NDUFA5: variants seen among roughly 807,000 people sequenced by gnomAD.
The protein encoded by NDUFA5 is NADH dehydrogenase [ubiquinone] 1 alpha subcomplex subunit 5.
A neutral mutation model predicts 19.8 loss-of-function variants in NDUFA5; 11 were observed. That is an observed-to-expected ratio of 0.56 (90% CI 0.35 to 0.92). The LOEUF (loss-of-function observed/expected upper bound fraction) is 0.92. Among genes scored for constraint, NDUFA5 ranks in the 40% least tolerant of loss-of-function variants. The pLI is 0.01. For missense variants in NDUFA5, 109 were observed against 134.2 expected, an observed-to-expected ratio of 0.81 and a Z score of 0.93; for synonymous variants, 47 against 46.8, an observed-to-expected ratio of 1.00 and a Z score of -0.01.
chr7:123,564,391 A>G, the NDUFA5 span, among the ~76,000 whole-genome samples: 3 of 152,242 alleles, frequency 2.0e-5, no homozygotes, highest in South Asian at 6.2e-4. Flanking sequence ...TCAAGCTGTA[A>G]AAGTCAAAGT....
intron 2 of NDUFA5, chr7:123,556,923 G>T (rs1798574021): frequency 2.0e-6 from 1 of 497,824 alleles, no homozygotes; most frequent in Non-Finnish European, 3.9e-6. Flanking sequence ...GCAAAGAAAT[G>T]GTGTGATTAT....
chr7:123,563,121 C>G, the NDUFA5 span, among the ~76,000 whole-genome samples: 1 of 152,000 alleles, frequency 6.6e-6, no homozygotes, highest in South Asian at 2.1e-4. Context: ...TTTTATCATT[C>G]GTGTGTTAAC....
chr7:123,549,855 G>A (rs894859383), intron 3 of NDUFA5, among the ~76,000 whole-genome samples: 1 of 152,142 alleles, frequency 6.6e-6, no homozygotes, highest in African/African-American at 2.4e-5. Context: ...AATTCTCTTT[G>A]AACTATATAG....
At chr7:123,551,540 T>A in intron 2 of NDUFA5, 1 of 976,508 alleles carries the variant, frequency 1.0e-6, no homozygotes, top group South Asian at 4.7e-5. Context: ...TCCGAAGCAC[T>A]GCAAATTTTT....
At chr7:123,593,857 A>T in the NDUFA5 span, among the ~76,000 whole-genome samples, 12 of 152,170 alleles carry the variant, frequency 7.9e-5, no homozygotes, top group Non-Finnish European at 1.6e-4. Context: ...TCTCCTGGAT[A>T]ATAGCCTGAA....
rs535103047 is a variant in NDUFA5 at position 123,539,963 on chromosome 7, G to C, written c.*2156C>G. ...ATTCATAAATAATAATATAACAGGA[G>C]CATCAGTTCTAGAACCAGACTGCCT... is the stretch of plus-strand genomic sequence containing the variant. On this transcript the variant is annotated 3_prime_UTR_variant, in exon 5 of 5. Transcript: ENST00000355749. 1 of 152,252 alleles carries C rather than the reference G, an allele frequency of 6.6e-6. No homozygotes were observed. The highest frequency in any genetic ancestry group is 2.4e-5 in the African/African-American group (1 of 41,524). 9.4% of individuals were successfully genotyped at this position (152,252 alleles called of 1,614,324 possible).
intron 2 of NDUFA5, among the ~76,000 whole-genome samples, chr7:123,552,636 TAAAAAAAAAAAA>T (rs774901648): frequency 3.0e-5 from 2 of 67,416 alleles, no homozygotes; most frequent in Non-Finnish European, 5.9e-5. Flanking sequence ...AAAGTATAAC[TAAAAAAAAAAAA>T]AAAAAAAAAA....
chr7:123,549,974 T>C (rs1798272678), intron 3 of NDUFA5: 1 of 153,092 alleles, frequency 6.5e-6, no homozygotes, highest in South Asian at 2.0e-4. Context: ...ATAAAGTCCA[T>C]TTAATGATTG....
chr7:123,572,291 G>A, the NDUFA5 span, among the ~76,000 whole-genome samples: 3 of 151,320 alleles, frequency 2.0e-5, no homozygotes, highest in African/African-American at 4.9e-5. Flanking sequence ...GTAGGCACGC[G>A]CCACCATGCC....
At chr7:123,589,842 G>C in the NDUFA5 span, among the ~76,000 whole-genome samples, 1 of 152,136 alleles carries the variant, frequency 6.6e-6, no homozygotes, top group African/African-American at 2.4e-5. Flanking sequence ...CCCAGTAATG[G>C]GATCGCTAAG....
At chr7:123,573,985 T>C in the NDUFA5 span, among the ~76,000 whole-genome samples, 16 of 152,144 alleles carry the variant, frequency 1.1e-4, no homozygotes, top group Non-Finnish European at 1.2e-4. Context: ...GTCGCTTTTA[T>C]AAATACCTAG....
the NDUFA5 span, among the ~76,000 whole-genome samples, chr7:123,592,740 G>A: frequency 6.6e-6 from 1 of 152,184 alleles, no homozygotes; most frequent in Non-Finnish European, 1.5e-5. Flanking sequence ...GCGATGTGGT[G>A]CTGAGAAGAA....
At chr7:123,552,636 TAAAAAA>T (rs774901648) in intron 2 of NDUFA5, among the ~76,000 whole-genome samples, 2 of 67,414 alleles carry the variant, frequency 3.0e-5, no homozygotes, top group African/African-American at 1.1e-4. Flanking sequence ...AAAGTATAAC[TAAAAAA>T]AAAAAAAAAA....
chr7:123,578,479 T>G, the NDUFA5 span, among the ~76,000 whole-genome samples: 2 of 152,042 alleles, frequency 1.3e-5, no homozygotes, highest in Non-Finnish European at 2.9e-5. Context: ...CTTTGTTTCC[T>G]CTATACTTTT....
chr7:123,555,275 T>G (rs1244449409), intron 2 of NDUFA5: 3 of 152,142 alleles, frequency 2.0e-5, no homozygotes, highest in Non-Finnish European at 4.4e-5. Flanking sequence ...TTAGCTTCAT[T>G]GTAGTGAGTT....
At chr7:123,590,902 T>G in the NDUFA5 span, among the ~76,000 whole-genome samples, 2 of 152,194 alleles carry the variant, frequency 1.3e-5, no homozygotes, top group Non-Finnish European at 2.9e-5. Context: ...TATGGCCATT[T>G]TCACGATACT....
At position 123,538,426 on chromosome 7, in the gene NDUFA5, T is replaced by C. The variant is rs1584679997; in HGVS notation, c.*3693A>G. 1 of 152,234 alleles carries C rather than the reference T, an allele frequency of 6.6e-6. No homozygotes were observed. Among genetic ancestry groups the C allele is most frequent in the Non-Finnish European group, 1.5e-5 (1 of 68,040 alleles). The allele number at this position is 152,234 out of a possible 1,614,324, so 9.4% of individuals were successfully genotyped here. A position where few individuals can be genotyped will look rare whatever the true frequency, so the allele number is the denominator to read the frequency against. On this transcript the variant is annotated 3_prime_UTR_variant, in exon 5 of 5. Transcript: ENST00000355749. ...ATCACATTCCCACTGTGATTTCCTG[T>C]GAATTTTGTCTAAAATAAAACGTCG...
the NDUFA5 span, among the ~76,000 whole-genome samples, chr7:123,577,944 C>T: frequency 2.0e-5 from 3 of 151,592 alleles, no homozygotes; most frequent in Non-Finnish European, 4.4e-5. Flanking sequence ...GCAGAATGTG[C>T]AGTTTTGTTA....
chr7:123,589,301 T>TTTATTATTATTATTA, the NDUFA5 span, among the ~76,000 whole-genome samples: 27 of 147,482 alleles, frequency 1.8e-4, no homozygotes, highest in African/African-American at 6.4e-4. Context: ...CTTTCATCTC[T>TTTATTATTATTATTA]TTATTATTAT....
Sources: allele counts gnomAD v4.1 joint callset (sites outside exome capture counted in the v4.1 genomes callset), GRCh38; gene constraint gnomAD v4.1.1; transcripts MANE v1.5; gene names NCBI Gene and HGNC (gene_info 2026-07-23, HGNC 2026-07-21).